ANO3: variants seen among roughly 807,000 people sequenced by gnomAD.
ANO3 encodes the protein anoctamin-3.
Under a neutral mutation model 144.8 loss-of-function variants are expected in ANO3, and 99 were observed. The observed-to-expected ratio is 0.68, with a 90% CI of 0.58 to 0.81. The LOEUF (loss-of-function observed/expected upper bound fraction) is 0.81. Ranked by LOEUF, ANO3 falls within the 30% of genes least tolerant of loss-of-function variation. The pLI, the probability that ANO3 is intolerant of heterozygous loss-of-function variation, is 0.00. For synonymous variants in ANO3, 414 were observed against 392.6 expected (o/e 1.05, Z -0.64); for missense variants, 905 against 1,202.2 (o/e 0.75, Z 3.66).
rs563610214 is a variant in ANO3 at position 26,642,543 on chromosome 11, A to C, written c.2275+514A>C. Among the ~76,000 whole-genome samples, 3 of 141,904 alleles carry C rather than the reference A, an allele frequency of 2.1e-5. No individual in the cohort carries two copies. In the East Asian group the frequency reaches 6.3e-4, roughly 30 times the overall value. The allele number at this position is 141,904 out of a possible 152,430, so 93.1% of individuals were successfully genotyped here. A position where few individuals can be genotyped will look rare whatever the true frequency, so the allele number is the denominator to read the frequency against. On this transcript the variant is annotated intron_variant, in intron 22 of 26. Transcript: ENST00000256737. ...ATTTTGCATTTTTTAGTAGAGATGG[A>C]GTTTCACCATGTTGGCCAGGCTGGT... is the stretch of plus-strand genomic sequence containing the variant.
chr11:26,409,170 T>A (rs1302301200), intron 1 of ANO3, among the ~76,000 whole-genome samples: 4 of 151,170 alleles, frequency 2.6e-5, no homozygotes, highest in Non-Finnish European at 1.5e-5. Context: ...TTCCTCTGGA[T>A]GGCTTCTCTG....
chr11:26,224,308 T>C (rs1852212294), intron 1 of ANO3, among the ~76,000 whole-genome samples: 4 of 152,204 alleles, frequency 2.6e-5, no homozygotes, highest in African/African-American at 9.6e-5. Context: ...TAATCCTACA[T>C]GTTTACAGTC....
intron 1 of ANO3, among the ~76,000 whole-genome samples, chr11:26,276,565 G>A (rs950453141): frequency 5.3e-5 from 8 of 152,186 alleles, no homozygotes; most frequent in African/African-American, 1.7e-4. Context: ...CCATAAAATG[G>A]ATATTCCCTA....
chr11:26,417,419 A>G (rs543461052), intron 1 of ANO3, among the ~76,000 whole-genome samples: 1 of 152,080 alleles, frequency 6.6e-6, no homozygotes, highest in Non-Finnish European at 1.5e-5. Flanking sequence ...TTGTTGAGTA[A>G]AAGTGACACA....
chr11:26,396,670 T>G (rs1391337694), intron 1 of ANO3, among the ~76,000 whole-genome samples: 1 of 152,070 alleles, frequency 6.6e-6, no homozygotes, highest in Non-Finnish European at 1.5e-5. Context: ...GAAACCATCA[T>G]TCTCAGCAAA....
intron 14 of ANO3, among the ~76,000 whole-genome samples, chr11:26,595,764 A>G (rs1235881296): frequency 2.0e-5 from 3 of 152,184 alleles, no homozygotes; most frequent in Non-Finnish European, 4.4e-5. Context: ...TTAGTGTTAA[A>G]TCACCTTTTT....
chr11:26,547,429 G>A lies in ANO3; in HGVS notation c.1168G>A (p.Glu390Lys), dbSNP rs1433487782. The change falls in exon 12 of 27, where the codon GAG becomes AAG. Residue 390 changes from glutamate to lysine, a missense_variant. Glu to Lys is a moderately conservative substitution (Grantham distance 56). Around this residue, in one of 4 missense-constraint regions of ANO3, gnomAD observed 597 missense variants for 865.1 expected, o/e 0.69. Transcript: ENST00000256737. ...PLDLIRLYFG[E>K]KIGLYFAWLG... The stretch of plus-strand genomic sequence containing the variant: ...TTTCTCATGCAGGCTATACTTTGGT[G>A]AGAAGATTGGACTATACTTTGCTTG... The A allele has an allele frequency of 6.2e-7, 1 of 1,611,542 alleles. No individual in the cohort carries two copies. Among genetic ancestry groups the A allele is most frequent in the Non-Finnish European group, 8.5e-7 (1 of 1,178,282 alleles).
chr11:26,454,321 G>T (rs941696128), intron 3 of ANO3, among the ~76,000 whole-genome samples: 14 of 152,112 alleles, frequency 9.2e-5, no homozygotes, highest in Non-Finnish European at 1.9e-4. Flanking sequence ...AAAATTGATA[G>T]ACCACTAGCA....
At chr11:26,470,761 C>T (rs114254559) in intron 4 of ANO3, among the ~76,000 whole-genome samples, 35 of 151,746 alleles carry the variant, frequency 2.3e-4, no homozygotes, top group African/African-American at 8.0e-4. Context: ...TTTTTAACAC[C>T]GGGTGGTAAA....
At chr11:26,409,615 C>A (rs754764340) in intron 1 of ANO3, among the ~76,000 whole-genome samples, 4 of 151,926 alleles carry the variant, frequency 2.6e-5, no homozygotes, top group Non-Finnish European at 5.9e-5. Flanking sequence ...TATGGAGATA[C>A]ATGTGATGAA....
intron 17 of ANO3, among the ~76,000 whole-genome samples, chr11:26,617,430 A>T (rs1035491739): frequency 1.3e-5 from 2 of 152,250 alleles, no homozygotes; most frequent in Non-Finnish European, 2.9e-5. Context: ...ATAAGACTTC[A>T]GAAGGCAAGT....
At chr11:26,531,509 C>T (rs1233989992) in intron 8 of ANO3, among the ~76,000 whole-genome samples, 173 bp downstream of exon 8, 3 of 152,068 alleles carry the variant, frequency 2.0e-5, no homozygotes, top group Non-Finnish European at 2.9e-5. Flanking sequence ...GTTATTAATT[C>T]GCTATCAATT....
chr11:26,392,385 A>G (rs1412840022), intron 1 of ANO3, among the ~76,000 whole-genome samples: 2 of 152,084 alleles, frequency 1.3e-5, no homozygotes, highest in Non-Finnish European at 2.9e-5. Context: ...ATATGTAGAG[A>G]AAATTATATA....
At chr11:26,283,425 G>T (rs925431727) in intron 1 of ANO3, among the ~76,000 whole-genome samples, 1 of 142,756 alleles carries the variant, frequency 7.0e-6, no homozygotes, top group Non-Finnish European at 1.5e-5. Flanking sequence ...TGGGCTTTGG[G>T]TTTATTTGCT....
intron 1 of ANO3, among the ~76,000 whole-genome samples, chr11:26,211,671 G>A (rs766094177): frequency 6.6e-6 from 1 of 152,138 alleles, no homozygotes; most frequent in African/African-American, 2.4e-5. Context: ...CAAGGATCTA[G>A]AACTAGAAAT....
chr11:26,598,323 G>A, intron 14 of ANO3, 42 bp from the exon 15 acceptor site: 2 of 1,065,904 alleles, frequency 1.9e-6, no homozygotes, highest in Non-Finnish European at 2.6e-6. Context: ...AAAGCAATAT[G>A]ATGTGATTTG....
chr11:26,541,307 G>T (rs537567531), intron 10 of ANO3, among the ~76,000 whole-genome samples: 17 of 151,878 alleles, frequency 1.1e-4, no homozygotes, highest in Non-Finnish European at 2.1e-4. Context: ...GGGTGGGGAG[G>T]TAGGGGAGGG....
At chr11:26,593,955 C>T (rs1851531224) in intron 14 of ANO3, among the ~76,000 whole-genome samples, 1 of 152,126 alleles carries the variant, frequency 6.6e-6, no homozygotes, top group African/African-American at 2.4e-5. Context: ...TGCTCGGGGC[C>T]TAAGGCGGAC....
intron 6 of ANO3, among the ~76,000 whole-genome samples, chr11:26,518,547 A>G (rs959552223): frequency 6.7e-6 from 1 of 148,870 alleles, no homozygotes; most frequent in African/African-American, 2.4e-5. Context: ...TGTGAGCCTT[A>G]CAACTTTTCA....
Sources: gnomAD v4.1 joint callset for allele counts (sites outside exome capture counted in the v4.1 genomes callset) on GRCh38, gnomAD v4.1.1 for gene constraint, gnomAD v4.1.1 regional missense constraint, MANE v1.5 for transcripts, NCBI Gene and HGNC (gene_info 2026-07-23, HGNC 2026-07-21) for gene names.